The following SCN3A variants were observed in gnomAD, a reference collection of about 807,000 sequenced individuals.
The protein encoded by SCN3A is sodium voltage-gated channel alpha subunit 3.
In SCN3A, 60 loss-of-function variants were observed where a neutral mutation model predicts 187.6. The observed-to-expected ratio is 0.32, with a 90% CI of 0.26 to 0.40. The LOEUF is 0.40. Among genes scored for constraint, SCN3A ranks in the 10% least tolerant of loss-of-function variants. The probability of loss-of-function intolerance (pLI) is 1.00; values close to 1 mark genes in which losing one functional copy is unlikely to be tolerated. For missense variants in SCN3A, 1,601 were observed against 2,428.2 expected, an observed-to-expected ratio of 0.66 and a Z score of 7.16; for synonymous variants, 788 against 829.2, an observed-to-expected ratio of 0.95 and a Z score of 0.85.
At chr2:165,113,206 C>G in intron 20 of SCN3A, 148 bp from the exon 21 acceptor site, 1 of 667,928 alleles carries the variant, frequency 1.5e-6, no homozygotes, top group Non-Finnish European at 2.5e-6. Context: ...AATCTAAAGA[C>G]TAAACTAAGT....
intron 18 of SCN3A, among the ~76,000 whole-genome samples, chr2:165,118,230 GCAT>G (rs968864380): frequency 9.9e-5 from 15 of 152,076 alleles, no homozygotes; most frequent in African/African-American, 3.6e-4. Context: ...TCTCCTCCTG[GCAT>G]TATGAGGCAC....
intron 14 of SCN3A, among the ~76,000 whole-genome samples, chr2:165,139,014 G>A (rs371406582): frequency 6.6e-6 from 1 of 152,146 alleles, no homozygotes; most frequent in East Asian, 1.9e-4. Flanking sequence ...GAAGATGGAA[G>A]AGAGACCCTT....
chr2:165,100,454 C>T, intron 21 of SCN3A, 30 bp from the exon 22 acceptor site: 1 of 1,607,296 alleles, frequency 6.2e-7, no homozygotes, highest in Non-Finnish European at 8.5e-7. Flanking sequence ...TTAATTAGTT[C>T]ACCAAGAAAT....
At chr2:165,179,463 A>G (rs1291020327) in intron 2 of SCN3A, 1 of 152,248 alleles carries the variant, frequency 6.6e-6, no homozygotes, top group African/African-American at 2.4e-5. Context: ...AGTAATTTTC[A>G]CAAATTATTC....
Position 165,100,248 on chromosome 2 carries a change from T to G in SCN3A, c.3966+54A>C, listed in dbSNP as rs1210419027. 3.8e-6 allele frequency: 6 copies of G among 1,583,104 alleles called. No individual in the cohort carries two copies. In the African/African-American group the frequency reaches 8.1e-5, roughly 21 times the overall value. On this transcript the variant is annotated intron_variant, in intron 22 of 27. Coordinates refer to ENST00000283254, the MANE Select transcript of SCN3A (RefSeq NM_006922.4). Reference sequence around the variant, plus strand: ...AGTATGGCACCCTTTTCTATCTAAATCATTACCTACATGTAATTTTGACAT... The same window carrying G: ...AGTATGGCACCCTTTTCTATCTAAAGCATTACCTACATGTAATTTTGACAT...
rs558788020 is a variant in SCN3A, at chr2:165,099,958, A to G, written c.3966+344T>C. Among the ~76,000 whole-genome samples, 111 of 152,172 alleles carry G rather than the reference A, an allele frequency of 7.3e-4. 1 individual carries two copies. Among genetic ancestry groups the G allele is most frequent in the Admixed American group, 9.2e-4 (14 of 15,268 alleles). On this transcript the variant is annotated intron_variant, in intron 22 of 27. Transcript: ENST00000283254. ...GGAATCAAACTATTGAGAGAAAGAA[A>G]CTCCCCACCACGGATGAATGTCAGT...
chr2:165,185,828 C>T (rs1691193772), intron 2 of SCN3A, among the ~76,000 whole-genome samples: 1 of 152,134 alleles, frequency 6.6e-6, no homozygotes, highest in African/African-American at 2.4e-5. Flanking sequence ...ACCAAGTACT[C>T]ACCACATATT....
intron 4 of SCN3A, among the ~76,000 whole-genome samples, chr2:165,169,301 G>A (rs1257698957): frequency 3.3e-5 from 5 of 151,972 alleles, no homozygotes; most frequent in Non-Finnish European, 7.4e-5. Flanking sequence ...TAGTAGGTTT[G>A]TAGTGATGTA....
chr2:165,120,877 T>C (rs1686638810), intron 18 of SCN3A, among the ~76,000 whole-genome samples: 1 of 151,622 alleles, frequency 6.6e-6, no homozygotes, highest in African/African-American at 2.4e-5. Context: ...CCTGGACATA[T>C]ATTAAATGTA....
intron 15 of SCN3A, among the ~76,000 whole-genome samples, chr2:165,136,403 A>C (rs1243117887): frequency 6.6e-6 from 1 of 152,172 alleles, no homozygotes; most frequent in African/African-American, 2.4e-5. Flanking sequence ...ATGAGGAAGG[A>C]AACTGTTTAT....
intron 11 of SCN3A, among the ~76,000 whole-genome samples, chr2:165,153,987 A>ATTTTTTT (rs71393659): frequency 0.045 from 4,154 of 92,522 alleles, 658 homozygotes; most frequent in African/African-American, 0.12. Flanking sequence ...TATAGCAAAC[A>ATTTTTTT]TTTTTTTTTT....
chr2:165,159,461 A>G (rs1461789142), intron 9 of SCN3A, among the ~76,000 whole-genome samples: 1 of 136,872 alleles, frequency 7.3e-6, no homozygotes, highest in African/African-American at 3.0e-5. Context: ...GGCTCAAGTA[A>G]TCCTTCTGCC....
intron 11 of SCN3A, among the ~76,000 whole-genome samples, chr2:165,147,385 G>T (rs191806242): frequency 6.6e-6 from 1 of 151,792 alleles, no homozygotes; most frequent in Admixed American, 6.6e-5. Flanking sequence ...CTACCATTCT[G>T]ATTCCATCTG....
At chr2:165,147,548 A>G (rs1688431928) in intron 11 of SCN3A, among the ~76,000 whole-genome samples, 1 of 152,190 alleles carries the variant, frequency 6.6e-6, no homozygotes. Context: ...AGGGAAATGT[A>G]TTAGATAGCT....
intron 1 of SCN3A, among the ~76,000 whole-genome samples, chr2:165,194,172 C>G (rs1205633234): frequency 1.3e-5 from 2 of 152,096 alleles, no homozygotes; most frequent in African/African-American, 2.4e-5. Context: ...ACAAACTATT[C>G]TAGACTTGTC....
intron 7 of SCN3A, 87 bp from the exon 8 acceptor site, chr2:165,162,915 A>T: frequency 6.6e-7 from 1 of 1,508,436 alleles, no homozygotes; most frequent in Non-Finnish European, 9.2e-7. Flanking sequence ...TTTCCCCCAT[A>T]AATGATTGCT....
intron 1 of SCN3A, among the ~76,000 whole-genome samples, chr2:165,199,227 C>T (rs1351021307): frequency 1.3e-5 from 2 of 151,946 alleles, no homozygotes; most frequent in African/African-American, 4.8e-5. Context: ...CAATATTAAA[C>T]CACTATTTAA....
intron 5 of SCN3A, among the ~76,000 whole-genome samples, chr2:165,166,514 A>G (rs1262612527): frequency 6.6e-6 from 1 of 152,170 alleles, no homozygotes; most frequent in African/African-American, 2.4e-5. Context: ...AAAATGCAGT[A>G]TAAATAAAAT....
At chr2:165,126,169 A>G (rs920103899) in intron 18 of SCN3A, among the ~76,000 whole-genome samples, 1 of 152,220 alleles carries the variant, frequency 6.6e-6, no homozygotes. Flanking sequence ...CTGTGTCAAC[A>G]TTATACCCTC....
Sources: gnomAD v4.1 joint callset for allele counts (sites outside exome capture counted in the v4.1 genomes callset) on GRCh38, gnomAD v4.1.1 for gene constraint, MANE v1.5 for transcripts, NCBI Gene and HGNC (gene_info 2026-07-23, HGNC 2026-07-21) for gene names.